The following SYN2 variants were observed in gnomAD, a reference collection of about 807,000 sequenced individuals.
SYN2 encodes the protein synapsin-2.
Under a neutral mutation model 50.9 loss-of-function variants are expected in SYN2, and 19 were observed. The observed-to-expected ratio is 0.37, with a 90% CI of 0.26 to 0.55. The LOEUF (loss-of-function observed/expected upper bound fraction) is 0.55. Among genes scored for constraint, SYN2 ranks in the 20% least tolerant of loss-of-function variants. The pLI is 0.81. For synonymous variants in SYN2, 255 were observed against 224.9 expected (o/e 1.13, Z -1.20); for missense variants, 587 against 576.4 (o/e 1.02, Z -0.19).
At chr3:12,050,088 A>T (rs890316023) in intron 1 of SYN2, among the ~76,000 whole-genome samples, 1 of 151,768 alleles carries the variant, frequency 6.6e-6, no homozygotes, top group African/African-American at 2.4e-5. Flanking sequence ...TTTAGTAAAG[A>T]CAGGGTTTCA....
At chr3:12,169,701 C>A in intron 9 of SYN2, 56 bp from the exon 10 acceptor site, 7 of 1,595,862 alleles carry the variant, frequency 4.4e-6, no homozygotes, top group Non-Finnish European at 5.1e-6. Flanking sequence ...AAAGATTGTA[C>A]CAGGCCATTT....
chr3:12,048,948 C>T (rs1255692166), intron 1 of SYN2, among the ~76,000 whole-genome samples: 1 of 152,070 alleles, frequency 6.6e-6, no homozygotes, highest in Non-Finnish European at 1.5e-5. Context: ...AGACCTAAAC[C>T]GTGGGAACCT....
chr3:12,085,790 C>G (rs1695689154), intron 1 of SYN2, among the ~76,000 whole-genome samples: 1 of 151,918 alleles, frequency 6.6e-6, no homozygotes, highest in South Asian at 2.1e-4. Context: ...CAATAAATGC[C>G]TATATCAAAA....
chr3:12,099,690 C>A (rs556864370), intron 1 of SYN2, among the ~76,000 whole-genome samples: 1 of 151,994 alleles, frequency 6.6e-6, no homozygotes, highest in Admixed American at 6.5e-5. Context: ...GTAGGCTGGG[C>A]GCAATGGCTC....
At chr3:12,166,696 G>A (rs1286540698) in intron 7 of SYN2, among the ~76,000 whole-genome samples, 4 of 152,188 alleles carry the variant, frequency 2.6e-5, no homozygotes, top group Non-Finnish European at 5.9e-5. Context: ...ATGAATGAGT[G>A]AGTGAGCCAG....
At chr3:12,165,073 G>A (rs748657948) in intron 7 of SYN2, among the ~76,000 whole-genome samples, 12 of 139,130 alleles carry the variant, frequency 8.6e-5, no homozygotes. Context: ...TGCAACCTCC[G>A]CCTCCCTGGT....
At chr3:12,135,189 T>A (rs2125212385) in intron 1 of SYN2, among the ~76,000 whole-genome samples, 2 of 152,310 alleles carry the variant, frequency 1.3e-5, no homozygotes, top group Non-Finnish European at 2.9e-5. Context: ...TGGTGAGCTG[T>A]GACTGCAATC....
chr3:12,107,367 T>C (rs1211278876), intron 1 of SYN2, among the ~76,000 whole-genome samples: 1 of 152,164 alleles, frequency 6.6e-6, no homozygotes, highest in Non-Finnish European at 1.5e-5. Flanking sequence ...TAACCTGTAG[T>C]TATGAGTGAT....
chr3:12,162,316 GA>G (rs1372207553), intron 7 of SYN2, among the ~76,000 whole-genome samples, 162 bp downstream of exon 7: 1 of 152,142 alleles, frequency 6.6e-6, no homozygotes, highest in African/African-American at 2.4e-5. Flanking sequence ...ACTAAGATGA[GA>G]AAATATATTA....
intron 1 of SYN2, among the ~76,000 whole-genome samples, chr3:12,085,388 C>T (rs570343627): frequency 8.6e-4 from 131 of 152,016 alleles, no homozygotes; most frequent in Non-Finnish European, 1.7e-3. Flanking sequence ...CACGCACGCA[C>T]GCACGCACTC....
At chr3:12,088,090 A>G (rs1168396527) in intron 1 of SYN2, among the ~76,000 whole-genome samples, 2 of 152,204 alleles carry the variant, frequency 1.3e-5, no homozygotes, top group African/African-American at 2.4e-5. Flanking sequence ...CGAAAAAGCT[A>G]CTGCACAGCA....
chr3:12,146,134 C>A (rs1390410163), intron 4 of SYN2, among the ~76,000 whole-genome samples: 7 of 152,310 alleles, frequency 4.6e-5, no homozygotes, highest in African/African-American at 1.4e-4. Flanking sequence ...CACAAAGATA[C>A]CGTGAAGAAG....
chr3:12,188,670 C>A (rs532755091), intron 12 of SYN2, among the ~76,000 whole-genome samples: 1 of 152,056 alleles, frequency 6.6e-6, no homozygotes, highest in Non-Finnish European at 1.5e-5. Context: ...GCCAAGGTTG[C>A]GGGGCTCAGG....
At chr3:12,017,904 C>T (rs946037824) in intron 1 of SYN2, among the ~76,000 whole-genome samples, 1 of 152,176 alleles carries the variant, frequency 6.6e-6, no homozygotes, top group Non-Finnish European at 1.5e-5. Context: ...CATTGATTAG[C>T]ACTGTTTTGA....
At chr3:12,080,571 A>G (rs950822911) in intron 1 of SYN2, among the ~76,000 whole-genome samples, 6 of 152,102 alleles carry the variant, frequency 3.9e-5, no homozygotes, top group Non-Finnish European at 5.9e-5. Context: ...CCAGGAGTCT[A>G]TTCAGGAGCA....
rs1417976922 is a variant in SYN2 at position 12,145,715 on chromosome 3, T to G, written c.564T>G (p.His188Gln). Residue 188 changes from histidine to glutamine, a missense_variant, in exon 4 of 13, where the codon CAT (histidine) becomes CAG (glutamine). His to Gln is a conservative substitution (Grantham distance 24, BLOSUM62 0). Transcript: ENST00000621198. Reference protein sequence around the residue: ...FRPDFVLIRQHAFGMAENEDF... With the variant: ...FRPDFVLIRQQAFGMAENEDF... The stretch of plus-strand genomic sequence containing the variant: ...CAGACTTCGTGCTCATCCGGCAGCA[T>G]GCATTTGGCATGGCGGAGAATGAGG... 1 of 1,613,926 alleles carries G rather than the reference T, an allele frequency of 6.2e-7. No homozygotes were observed. The highest frequency in any genetic ancestry group is 1.3e-5 in the African/African-American group (1 of 74,950).
At chr3:12,013,442 C>G (rs1693959267) in intron 1 of SYN2, among the ~76,000 whole-genome samples, 1 of 152,154 alleles carries the variant, frequency 6.6e-6, no homozygotes, top group Non-Finnish European at 1.5e-5. Context: ...TCAGTTACCT[C>G]TTAAGTACAA....
chr3:12,190,590 T>C lies in SYN2; in HGVS notation c.1714T>C (p.Leu572=), dbSNP rs1180402168. 1 of 1,613,224 alleles carries C rather than the reference T, an allele frequency of 6.2e-7. No homozygotes were observed. Among genetic ancestry groups the C allele is most frequent in the East Asian group, 2.2e-5 (1 of 44,830 alleles). Residue 572 remains leucine, a synonymous_variant, in exon 13 of 13, where the codon TTG becomes CTG. Transcript: ENST00000621198. ...DEAKAETIRS[L]RKSFASLFSD is the part of the protein sequence containing the mutation. ...AGCCAAAGCAGAGACCATCCGGAGC[T>C]TGAGGAAGTCCTTTGCCAGCCTCTT... is the stretch of plus-strand genomic sequence containing the variant.
intron 1 of SYN2, among the ~76,000 whole-genome samples, chr3:12,009,130 T>C (rs569726067): frequency 4.1e-4 from 63 of 152,368 alleles, no homozygotes; most frequent in Non-Finnish European, 7.1e-4. Flanking sequence ...AACATAAATA[T>C]ACTGATTGCA....
Sources: gnomAD v4.1 joint callset for allele counts (sites outside exome capture counted in the v4.1 genomes callset) on GRCh38, gnomAD v4.1.1 for gene constraint, MANE v1.5 for transcripts, NCBI Gene and HGNC (gene_info 2026-07-23, HGNC 2026-07-21) for gene names.